NLGN4Y: variants seen among roughly 807,000 people sequenced by gnomAD.
NLGN4Y encodes neuroligin 4 Y-linked, also known as neuroligin-4, Y-linked.
Under a neutral mutation model 8.4 loss-of-function variants are expected in NLGN4Y, and 4 were observed. That is an observed-to-expected ratio of 0.48 (90% CI 0.23 to 1.09). NLGN4Y has a LOEUF of 1.09. Ranked by LOEUF, NLGN4Y falls within the 50% of genes least tolerant of loss-of-function variation. The probability of loss-of-function intolerance (pLI) is 0.19; values close to 1 mark genes in which losing one functional copy is unlikely to be tolerated. For synonymous variants in NLGN4Y, 35 were observed against 75.6 expected (o/e 0.46, Z 2.78); for missense variants, 90 against 192.3 (o/e 0.47, Z 3.15).
intron 4 of NLGN4Y, among the ~76,000 whole-genome samples, chrY:14,745,401 T>C (rs1603503441): frequency 3.0e-5 from 1 of 33,426 alleles, no homozygotes; most frequent in East Asian, 8.0e-4. Context: ...GCCAGTCCCT[T>C]GGGGGTCACT....
intron 2 of NLGN4Y, among the ~76,000 whole-genome samples, chrY:14,686,530 T>C: frequency 3.0e-5 from 1 of 32,977 alleles, no homozygotes; most frequent in South Asian, 6.8e-4. Context: ...TGCATTCACA[T>C]GGTTTTGCAA....
intron 2 of NLGN4Y, among the ~76,000 whole-genome samples, chrY:14,650,432 G>C: frequency 3.0e-5 from 1 of 33,860 alleles, no homozygotes; most frequent in Non-Finnish European, 7.3e-5. Context: ...TTTTAATGTA[G>C]CAAAATTCCA....
At chrY:14,612,458 C>A (rs760341243) in intron 1 of NLGN4Y, among the ~76,000 whole-genome samples, 1 of 33,782 alleles carries the variant, frequency 3.0e-5, no homozygotes, top group South Asian at 6.7e-4. Context: ...ATGTTGGTGA[C>A]CCTCAGATGG....
At position 14,622,058 on chromosome Y, in the gene NLGN4Y, A is replaced by T; in HGVS notation, c.-62A>T. 3.6e-6 allele frequency: 1 copy of T among 279,164 alleles called. No homozygotes were observed. The allele number at this position is 279,164 out of a possible 400,897, so 69.6% of individuals were successfully genotyped here. A position where few individuals can be genotyped will look rare whatever the true frequency, so the allele number is the denominator to read the frequency against. ...TTATCTTTCTGCAGGCTCGCCTCTG[A>T]GCTTTGTCTCCTTGGAGCCACCTCA... is the stretch of plus-strand genomic sequence containing the variant. On this transcript the variant is annotated 5_prime_UTR_variant, in exon 2 of 7. It removes the in-frame stop codon of an upstream open reading frame in the 5' UTR. Coordinates refer to ENST00000684976, the MANE Select transcript of NLGN4Y (RefSeq NM_001365588.1).
chrY:14,546,362 T>C (rs2150467840), intron 1 of NLGN4Y, among the ~76,000 whole-genome samples: 12 of 33,389 alleles, frequency 3.6e-4, no homozygotes, highest in Admixed American at 1.9e-3. Flanking sequence ...ATAAATTACC[T>C]TGGACAGTAT....
chrY:14,748,900 AAAAGAAAGAAAG>A (rs1259184673), intron 4 of NLGN4Y, among the ~76,000 whole-genome samples: 10 of 12,275 alleles, frequency 8.1e-4, no homozygotes, highest in East Asian at 5.7e-3. Context: ...AAAAGAAAAA[AAAAGAAAGAAAG>A]AAAGAAAGAA....
chrY:14,720,788 T>C, intron 3 of NLGN4Y, among the ~76,000 whole-genome samples: 1 of 33,497 alleles, frequency 3.0e-5, no homozygotes, highest in African/African-American at 1.2e-4. Flanking sequence ...TGATTATTAC[T>C]GAGCACATAG....
chrY:14,844,971 G>A lies in NLGN4Y; in HGVS notation c.*3709G>A. ...CCTTTTCAGTGTTCAGATATGTTTA[G>A]ACAAACAAATGCTTATCATTGTGTT... On this transcript the variant is annotated 3_prime_UTR_variant, in exon 7 of 7. Transcript: ENST00000684976. 3.0e-5 allele frequency: 1 copy of A among 32,998 alleles called. No homozygotes were observed. The highest frequency in any genetic ancestry group is 2.8e-4 in the Admixed American group (1 of 3,622). 8.2% of individuals were successfully genotyped at this position (32,998 alleles called of 400,897 possible).
chrY:14,573,204 C>T (rs956902402), intron 1 of NLGN4Y, among the ~76,000 whole-genome samples: 3 of 33,188 alleles, frequency 9.0e-5, no homozygotes, highest in African/African-American at 2.4e-4. Context: ...TGGTAGAATT[C>T]GGCTGTGAAT....
chrY:14,721,580 T>C, intron 3 of NLGN4Y, among the ~76,000 whole-genome samples: 1 of 32,784 alleles, frequency 3.1e-5, no homozygotes, highest in Non-Finnish European at 7.5e-5. Flanking sequence ...TGTAAAATTG[T>C]GATCATAATT....
intron 2 of NLGN4Y, among the ~76,000 whole-genome samples, chrY:14,635,551 CT>C (rs1285081993): frequency 7.3e-5 from 2 of 27,286 alleles, no homozygotes; most frequent in African/African-American, 1.4e-4. Flanking sequence ...CTTTTCTTTT[CT>C]TTTTTTTTGT....
chrY:14,819,839 G>A, intron 4 of NLGN4Y, among the ~76,000 whole-genome samples: 1 of 32,757 alleles, frequency 3.1e-5, no homozygotes, highest in East Asian at 8.1e-4. Flanking sequence ...CTTCCCTCAG[G>A]TGGTCATTTT....
chrY:14,639,859 C>T, intron 2 of NLGN4Y: 1 of 115,554 alleles, frequency 8.7e-6, no homozygotes, highest in South Asian at 4.6e-5. Flanking sequence ...ATTTTACACA[C>T]GGCACCTACA....
intron 4 of NLGN4Y, among the ~76,000 whole-genome samples, chrY:14,727,561 G>C (rs2080958791): frequency 3.0e-5 from 1 of 33,385 alleles, no homozygotes; most frequent in Non-Finnish European, 7.4e-5. Flanking sequence ...CTTATTCATG[G>C]TTAGCAATAT....
chrY:14,687,598 T>C (rs2080796014), intron 2 of NLGN4Y, among the ~76,000 whole-genome samples: 1 of 32,589 alleles, frequency 3.1e-5, no homozygotes, highest in Non-Finnish European at 7.6e-5. Context: ...CTCACTGTCA[T>C]GAGAACAGTA....
intron 4 of NLGN4Y, among the ~76,000 whole-genome samples, chrY:14,809,268 C>T: frequency 3.1e-5 from 1 of 32,668 alleles, no homozygotes; most frequent in Admixed American, 2.8e-4. Context: ...CACTTGAGGT[C>T]GGAAGTTTGA....
chrY:14,839,813 G>C, intron 6 of NLGN4Y, among the ~76,000 whole-genome samples: 1 of 33,705 alleles, frequency 3.0e-5, no homozygotes, highest in Non-Finnish European at 7.3e-5. Flanking sequence ...TATTGAGTAA[G>C]AAAGAGAATG....
At chrY:14,779,888 C>T (rs749065950) in intron 4 of NLGN4Y, among the ~76,000 whole-genome samples, 2 of 33,168 alleles carry the variant, frequency 6.0e-5, no homozygotes, top group East Asian at 8.1e-4. Context: ...CCCCATCCTT[C>T]GCACACTCAC....
intron 4 of NLGN4Y, among the ~76,000 whole-genome samples, chrY:14,823,817 G>A (rs2150592754): frequency 6.1e-5 from 2 of 33,001 alleles, no homozygotes; most frequent in Non-Finnish European, 1.5e-4. Context: ...ACCCAAAGAT[G>A]ACATGGTATC....
Sources: allele counts gnomAD v4.1 joint callset (sites outside exome capture counted in the v4.1 genomes callset), GRCh38; gene constraint gnomAD v4.1.1; transcripts MANE v1.5; gene names NCBI Gene and HGNC (gene_info 2026-07-23, HGNC 2026-07-21).